Variants in KATNAL2 observed in about 807,000 individuals in gnomAD.
KATNAL2 encodes katanin p60 ATPase-containing subunit A-like 2.
KATNAL2 carries 52 observed loss-of-function variants against 76.3 expected under a neutral mutation model. That is an observed-to-expected ratio of 0.68 (90% CI 0.55 to 0.86). The LOEUF is 0.86. Among genes scored for constraint, KATNAL2 ranks in the 40% least tolerant of loss-of-function variants. The pLI is 0.00. For missense variants in KATNAL2, 660 were observed against 668.9 expected, an observed-to-expected ratio of 0.99 and a Z score of 0.15; for synonymous variants, 243 against 244.2, an observed-to-expected ratio of 1.00 and a Z score of 0.05.
intron 3 of KATNAL2, chr18:47,033,638 C>G (rs746916831): frequency 1.2e-6 from 2 of 1,614,202 alleles, no homozygotes; most frequent in South Asian, 1.1e-5. Flanking sequence ...TCGCTGAGGG[C>G]GTCCGGATTG....
intron 13 of KATNAL2, among the ~76,000 whole-genome samples, chr18:47,070,119 G>C (rs573640854): frequency 7.2e-5 from 9 of 124,516 alleles, no homozygotes; most frequent in Non-Finnish European, 1.0e-4. Flanking sequence ...TTTTTTAGAC[G>C]AAGTCTCGCT....
chr18:47,076,726 TA>T (rs1156445242), intron 14 of KATNAL2: 1 of 150,844 alleles, frequency 6.6e-6, no homozygotes, highest in Non-Finnish European at 1.5e-5. Flanking sequence ...GGGCAAATGA[TA>T]ATTAAACATA....
chr18:47,041,458 TA>T (rs1357058133), intron 3 of KATNAL2, among the ~76,000 whole-genome samples: 1 of 152,228 alleles, frequency 6.6e-6, no homozygotes, highest in Non-Finnish European at 1.5e-5. Flanking sequence ...ATACAGTATA[TA>T]GGCTTTTCAA....
At chr18:47,031,596 T>C (rs1390886123) in intron 3 of KATNAL2, among the ~76,000 whole-genome samples, 1 of 152,328 alleles carries the variant, frequency 6.6e-6, no homozygotes, top group Non-Finnish European at 1.5e-5. Context: ...TTCCAGCTAC[T>C]TCTCCAGGAG....
chr18:46,958,877 C>G (rs1189070544), intron 3 of KATNAL2, among the ~76,000 whole-genome samples: 4 of 152,140 alleles, frequency 2.6e-5, no homozygotes, highest in African/African-American at 9.7e-5. Context: ...CAAAAGAATC[C>G]TAAAACAAAG....
At chr18:47,093,828 C>T (rs2063113355) in intron 15 of KATNAL2, among the ~76,000 whole-genome samples, 1 of 152,182 alleles carries the variant, frequency 6.6e-6, no homozygotes, top group African/African-American at 2.4e-5. Flanking sequence ...CTTTCTTGTC[C>T]TACTCTGTGA....
intron 3 of KATNAL2, chr18:47,035,259 C>G (rs61746775): frequency 6.2e-7 from 1 of 1,612,670 alleles, no homozygotes; most frequent in Non-Finnish European, 8.5e-7. Context: ...TGGACCCTGC[C>G]GCCATCTCAC....
chr18:47,035,081 C>G (rs1446111248), intron 3 of KATNAL2: 2 of 1,610,992 alleles, frequency 1.2e-6, no homozygotes, highest in Admixed American at 3.3e-5. Flanking sequence ...AAGTCGCCCA[C>G]GTGCTGGTGC....
At chr18:47,034,229 T>C (rs1014687164) in intron 3 of KATNAL2, 2 of 1,613,838 alleles carry the variant, frequency 1.2e-6, no homozygotes, top group Non-Finnish European at 1.7e-6. Context: ...CCCTCTTGAG[T>C]CTCTCGGTCG....
chr18:47,045,456 G>C (rs2061128222), intron 3 of KATNAL2, among the ~76,000 whole-genome samples: 1 of 152,000 alleles, frequency 6.6e-6, no homozygotes, highest in South Asian at 2.1e-4. Context: ...CTCTCGAGTA[G>C]CTGGGATTAC....
chr18:47,071,279 C>T (rs1304362207), intron 13 of KATNAL2, among the ~76,000 whole-genome samples: 1 of 152,150 alleles, frequency 6.6e-6, no homozygotes, highest in Non-Finnish European at 1.5e-5. Flanking sequence ...GGATTACAGG[C>T]ATGAGCCACC....
intron 1 of KATNAL2, among the ~76,000 whole-genome samples, chr18:46,923,133 A>C (rs2058622727): frequency 6.6e-6 from 1 of 151,084 alleles, no homozygotes; most frequent in Non-Finnish European, 1.5e-5. Flanking sequence ...TTACATATGT[A>C]TACATGTGCC....
At chr18:46,945,747 C>T (rs554703540) in intron 1 of KATNAL2, among the ~76,000 whole-genome samples, 23 of 152,244 alleles carry the variant, frequency 1.5e-4, no homozygotes, top group African/African-American at 4.6e-4. Flanking sequence ...TCGCATAGTA[C>T]GTTGGTGCTG....
intron 3 of KATNAL2, among the ~76,000 whole-genome samples, chr18:47,030,797 T>C (rs1006496593): frequency 0.034 from 247 of 7,298 alleles, 54 homozygotes; most frequent in African/African-American, 0.055. Context: ...GATTGTCAGG[T>C]GGACGCCTCA....
chr18:47,101,274 A>C lies in KATNAL2; in HGVS notation c.*269A>C. 3.2e-6 allele frequency: 1 copy of C among 311,554 alleles called. No individual in the cohort carries two copies. Among genetic ancestry groups the C allele is most frequent in the African/African-American group, 2.1e-5 (1 of 48,394 alleles). The allele number at this position is 311,554 out of a possible 1,614,324, so 19.3% of individuals were successfully genotyped here. ...GAGATTTTTCTGACAATTAGACTCCATAAAATTTTAATGAACAATTTTCTG... is the reference window on the plus strand; with the variant it reads ...GAGATTTTTCTGACAATTAGACTCCCTAAAATTTTAATGAACAATTTTCTG... On this transcript the variant is annotated 3_prime_UTR_variant, in exon 18 of 18. Transcript: ENST00000683218.
Position 46,939,281 on chromosome 18 carries a change from C to T in KATNAL2, c.-509-6776C>T, listed in dbSNP as rs188164555. On this transcript the variant is annotated intron_variant, in intron 1 of 17. Coordinates refer to ENST00000683218, the MANE Select transcript of KATNAL2 (RefSeq NM_001387690.1). The stretch of plus-strand genomic sequence containing the variant: ...CCGGGAGGCGGAGGTTGCAGTGAAC[C>T]GAGATTGTGCCACTGCACTCCAGCC... 5.9e-5 allele frequency among the ~76,000 whole-genome samples: 9 copies of T among 151,388 alleles called. No homozygotes were observed. The East Asian group carries it at 1.8e-3, about 30-fold the overall frequency.
chr18:47,060,590 A>G (rs2061602689), intron 8 of KATNAL2, among the ~76,000 whole-genome samples: 1 of 152,234 alleles, frequency 6.6e-6, no homozygotes, highest in African/African-American at 2.4e-5. Context: ...GCTCTTGGTC[A>G]TACTCTCCAA....
Position 47,046,462 on chromosome 18 carries a change from G to C in KATNAL2, c.57G>C (p.Glu19Asp), listed in dbSNP as rs925373214. The C allele has an allele frequency of 6.5e-6, 10 of 1,535,514 alleles. No homozygotes were observed. In the African/African-American group the frequency reaches 8.2e-5, roughly 13 times the overall value. Residue 19 changes from glutamate (E) to aspartate (D), a missense_variant, in exon 4 of 18, where the codon GAG (glutamate) becomes GAC (aspartate). Physicochemically the swap from Glu to Asp is conservative, Grantham distance 45. Transcript: ENST00000683218. ...KFTHQAREAC[E>D]MRTEARRKNL... ...TAAATTTTCCTCTGTTCCAGTGCGAGATGAGGACAGAAGCACGACGAAAAA... is the reference window on the plus strand; with the variant it reads ...TAAATTTTCCTCTGTTCCAGTGCGACATGAGGACAGAAGCACGACGAAAAA...
intron 1 of KATNAL2, among the ~76,000 whole-genome samples, chr18:46,925,577 T>A (rs1037999941): frequency 2.0e-5 from 3 of 152,208 alleles, no homozygotes; most frequent in Non-Finnish European, 2.9e-5. Context: ...GGCTTTGGTG[T>A]CAGGATGATG....
Sources: allele counts gnomAD v4.1 joint callset (sites outside exome capture counted in the v4.1 genomes callset), GRCh38; gene constraint gnomAD v4.1.1; transcripts MANE v1.5; gene names NCBI Gene and HGNC (gene_info 2026-07-23, HGNC 2026-07-21).